Variants in ATG7 observed in about 807,000 individuals in gnomAD.
ATG7 encodes the protein autophagy related 7, also known as ubiquitin-like modifier-activating enzyme ATG7.
A neutral mutation model predicts 82.4 loss-of-function variants in ATG7; 70 were observed. The observed-to-expected ratio is 0.85, with a 90% CI of 0.70 to 1.04. The LOEUF is 1.04. Among genes scored for constraint, ATG7 ranks in the 50% least tolerant of loss-of-function variants. ATG7 has a pLI of 0.00. For synonymous variants in ATG7, 287 were observed against 313.0 expected (o/e 0.92, Z 0.88); for missense variants, 792 against 864.3 (o/e 0.92, Z 1.05).
chr3:11,409,826 G>A (rs962065931), intron 19 of ATG7, among the ~76,000 whole-genome samples: 14 of 146,278 alleles, frequency 9.6e-5, no homozygotes, highest in Non-Finnish European at 1.8e-4. Context: ...ACGATTTGTT[G>A]AACAGATTAT....
At chr3:11,320,073 A>G (rs1349929767) in intron 9 of ATG7, among the ~76,000 whole-genome samples, 1 of 152,120 alleles carries the variant, frequency 6.6e-6, no homozygotes, top group African/African-American at 2.4e-5. Context: ...GTGGGCATCC[A>G]GCCCCAAGTC....
intron 20 of ATG7, among the ~76,000 whole-genome samples, chr3:11,507,604 G>T (rs188836302): frequency 4.6e-5 from 7 of 152,312 alleles, no homozygotes; most frequent in African/African-American, 1.2e-4. Context: ...TCCATTATAA[G>T]TGAAGGAAAT....
chr3:11,538,906 A>G (rs559442039), intron 20 of ATG7, among the ~76,000 whole-genome samples: 1 of 147,150 alleles, frequency 6.8e-6, no homozygotes, highest in South Asian at 2.2e-4. Context: ...GCCCTTAGTA[A>G]TTCTTGAGAA....
chr3:11,368,250 AAAGAAGAAG>A (rs1212452849), intron 18 of ATG7, among the ~76,000 whole-genome samples: 1 of 150,130 alleles, frequency 6.7e-6, no homozygotes, highest in Non-Finnish European at 1.5e-5. Flanking sequence ...AAAAAAAAAA[AAAGAAGAAG>A]AAGAAGAAGG....
chr3:11,478,917 CTT>C (rs768863908), intron 20 of ATG7, among the ~76,000 whole-genome samples: 17 of 151,304 alleles, frequency 1.1e-4, no homozygotes, highest in Non-Finnish European at 1.8e-4. Context: ...CTCTGGGTAA[CTT>C]AAGTGGCTGT....
At chr3:11,274,080 T>G (rs1428685702) in intron 1 of ATG7, among the ~76,000 whole-genome samples, 2 of 152,192 alleles carry the variant, frequency 1.3e-5, no homozygotes, top group African/African-American at 4.8e-5. Flanking sequence ...CTTCCATTTA[T>G]CTTGGCCAAC....
intron 19 of ATG7, among the ~76,000 whole-genome samples, chr3:11,419,673 G>A (rs749394909): frequency 1.3e-5 from 2 of 152,326 alleles, no homozygotes; most frequent in Admixed American, 6.5e-5. Flanking sequence ...GAGAGTTGCC[G>A]AAAATTAGAA....
intron 20 of ATG7, among the ~76,000 whole-genome samples, chr3:11,516,031 TAAAAA>T (rs35770722): frequency 7.4e-6 from 1 of 135,220 alleles, no homozygotes; most frequent in Non-Finnish European, 1.6e-5. Context: ...CATTCCTTTT[TAAAAA>T]AAAAAAAAAA....
the ATG7 span, among the ~76,000 whole-genome samples, chr3:11,565,429 G>C: frequency 6.6e-6 from 1 of 152,146 alleles, no homozygotes; most frequent in African/African-American, 2.4e-5. The surrounding 1 kb of genome is among the most constrained non-coding windows in gnomAD (Gnocchi z 4.1). Flanking sequence ...TACATGCAGG[G>C]CCCTATTCAA....
At chr3:11,510,204 G>C (rs2091980320) in intron 20 of ATG7, 2 of 456,174 alleles carry the variant, frequency 4.4e-6, no homozygotes, top group Admixed American at 2.4e-5. Context: ...TCTTTCATCC[G>C]GCCCAAGAAT....
chr3:11,421,063 C>CT (rs893849660), intron 19 of ATG7, among the ~76,000 whole-genome samples: 55 of 151,386 alleles, frequency 3.6e-4, no homozygotes, highest in African/African-American at 6.8e-4. Flanking sequence ...CCACAAAATA[C>CT]TTTTTTTTTG....
At chr3:11,399,643 C>G (rs1189000456) in intron 19 of ATG7, among the ~76,000 whole-genome samples, 2 of 151,990 alleles carry the variant, frequency 1.3e-5, no homozygotes, top group African/African-American at 2.4e-5. Flanking sequence ...GACACAATCT[C>G]GGCTCACTGC....
At chr3:11,395,803 G>C (rs1287644916) in intron 19 of ATG7, among the ~76,000 whole-genome samples, 1 of 151,948 alleles carries the variant, frequency 6.6e-6, no homozygotes, top group Non-Finnish European at 1.5e-5. Context: ...AGCCGGGCGT[G>C]GTGGTGGGCG....
At chr3:11,367,189 T>A (rs531885223) in intron 18 of ATG7, among the ~76,000 whole-genome samples, 2 of 152,246 alleles carry the variant, frequency 1.3e-5, no homozygotes, top group East Asian at 3.9e-4. Context: ...CATGTTTTGA[T>A]TAGGGGACCA....
chr3:11,304,471 CCCCCAACTGACTG>C (rs1384443264), intron 5 of ATG7: 2 of 96,312 alleles, frequency 2.1e-5, no homozygotes, highest in Admixed American at 2.2e-4. Flanking sequence ...CCCAACATGA[CCCCCAACTGACTG>C]TGACTTTCTG....
intron 9 of ATG7, among the ~76,000 whole-genome samples, chr3:11,328,725 C>A (rs1490247382): frequency 4.6e-5 from 7 of 152,240 alleles, no homozygotes; most frequent in Non-Finnish European, 1.0e-4. Context: ...GCCATTCAGC[C>A]ATTACTCACA....
chr3:11,277,388 C>T (rs2152625360), intron 1 of ATG7: 1 of 152,458 alleles, frequency 6.6e-6, no homozygotes, highest in East Asian at 1.9e-4. Flanking sequence ...ATACAGAACT[C>T]TATCAGGGGA....
At chr3:11,526,173 T>C (rs974241773) in intron 20 of ATG7, among the ~76,000 whole-genome samples, 2 of 152,132 alleles carry the variant, frequency 1.3e-5, no homozygotes, top group Non-Finnish European at 2.9e-5. Flanking sequence ...GTCAGATCGC[T>C]TGAGCTCAGG....
intron 20 of ATG7, among the ~76,000 whole-genome samples, chr3:11,478,092 G>A (rs2153027217): frequency 6.6e-6 from 1 of 152,280 alleles, no homozygotes; most frequent in South Asian, 2.1e-4. Flanking sequence ...TGTAATACCT[G>A]TGGGTAGGGC....
Sources: gnomAD v4.1 joint callset for allele counts (sites outside exome capture counted in the v4.1 genomes callset) on GRCh38, gnomAD v4.1.1 for gene constraint, Gnocchi (gnomAD v3.1) non-coding constraint, MANE v1.5 for transcripts, NCBI Gene and HGNC (gene_info 2026-07-23, HGNC 2026-07-21) for gene names.